Variants in TSPAN5 observed in about 807,000 individuals in gnomAD.
The protein encoded by TSPAN5 is tetraspanin-5.
Under a neutral mutation model 37.1 loss-of-function variants are expected in TSPAN5, and 10 were observed. The ratio of observed to expected loss-of-function variants is 0.27; its 90% confidence interval spans 0.17 to 0.46. The LOEUF (loss-of-function observed/expected upper bound fraction) is 0.46, where lower values mean the gene tolerates loss of function less well. Ranked by LOEUF, TSPAN5 falls within the 20% of genes least tolerant of loss-of-function variation. TSPAN5 has a pLI of 1.00. For missense variants in TSPAN5, 195 were observed against 326.6 expected (o/e 0.60, Z 3.11); for synonymous variants, 110 against 118.9 (o/e 0.93, Z 0.48).
chr4:98,476,359 C>A, intron 6 of TSPAN5, 54 bp from the exon 7 acceptor site: 1 of 1,613,576 alleles, frequency 6.2e-7, no homozygotes, highest in East Asian at 2.2e-5. Context: ...CAGGCACAGG[C>A]CAAAGCTCCT....
rs375345283 is a variant in TSPAN5 at position 98,631,724 on chromosome 4, C to G, written c.81+26422G>C. Among the ~76,000 whole-genome samples, 19 of 152,272 alleles carry G rather than the reference C, an allele frequency of 1.2e-4. No individual in the cohort carries two copies. In the South Asian group the frequency reaches 3.9e-3, roughly 32 times the overall value. Reference sequence around the variant, plus strand: ...TGGTGTCATAAAAACCCCTTTTCCCCTGAAGGGACCCAGCAATTTGAAAGT... The same window carrying G: ...TGGTGTCATAAAAACCCCTTTTCCCGTGAAGGGACCCAGCAATTTGAAAGT... On this transcript the variant is annotated intron_variant, in intron 1 of 7. Coordinates refer to ENST00000305798, the MANE Select transcript of TSPAN5 (RefSeq NM_005723.4).
chr4:98,606,796 G>A (rs536815647), intron 1 of TSPAN5, among the ~76,000 whole-genome samples: 1 of 152,268 alleles, frequency 6.6e-6, no homozygotes, highest in East Asian at 1.9e-4. Flanking sequence ...GTAAAGAAAC[G>A]TCATTTGGTT....
intron 1 of TSPAN5, among the ~76,000 whole-genome samples, chr4:98,528,414 A>ATTT (rs10680446): frequency 0.16 from 22,401 of 143,526 alleles, 1,865 homozygotes; most frequent in African/African-American, 0.2. Flanking sequence ...GTAACAGATG[A>ATTT]TTTTTTTTTT....
rs141807944 is a variant in TSPAN5, at chr4:98,511,238, G to A, written c.82-3510C>T. 2.7e-3 allele frequency among the ~76,000 whole-genome samples: 408 copies of A among 152,224 alleles called. 2 individuals carry two copies. Among genetic ancestry groups the A allele is most frequent in the African/African-American group, 9.5e-3 (395 of 41,546 alleles). On this transcript the variant is annotated intron_variant, in intron 1 of 7. Coordinates refer to ENST00000305798, the MANE Select transcript of TSPAN5 (RefSeq NM_005723.4). ...TAAAATAAATAACAATAATTTTGCC[G>A]GCATTTGTTGAATGCTAAGTATGGC... is the stretch of plus-strand genomic sequence containing the variant.
Position 98,658,276 on chromosome 4 carries a change from C to G in TSPAN5, c.-50G>C. 6.7e-7 allele frequency: 1 copy of G among 1,483,526 alleles called. No homozygotes were observed. The highest frequency in any genetic ancestry group is 9.4e-7 in the Non-Finnish European group (1 of 1,061,234). The allele number at this position is 1,483,526 out of a possible 1,614,324, so 91.9% of individuals were successfully genotyped here. A position where few individuals can be genotyped will look rare whatever the true frequency, so the allele number is the denominator to read the frequency against. ...CCCCGGCAGCCCGAGTTTGGAGCTCCGAAGCACCGTTGCTCGGAGCAGCCC... is the reference window on the plus strand; with the variant it reads ...CCCCGGCAGCCCGAGTTTGGAGCTCGGAAGCACCGTTGCTCGGAGCAGCCC... On this transcript the variant is annotated 5_prime_UTR_variant, in exon 1 of 8. Transcript: ENST00000305798.
chr4:98,475,552 T>A (rs991461807), intron 7 of TSPAN5, among the ~76,000 whole-genome samples: 2 of 152,244 alleles, frequency 1.3e-5, no homozygotes, highest in African/African-American at 4.8e-5. Flanking sequence ...TTGACTCAGT[T>A]GCCACAATGC....
intron 1 of TSPAN5, among the ~76,000 whole-genome samples, chr4:98,589,637 C>T (rs187217782): frequency 3.4e-4 from 52 of 152,304 alleles, no homozygotes; most frequent in African/African-American, 9.9e-4. Context: ...GGAACTGGCA[C>T]GCCAGCTACG....
intron 1 of TSPAN5, among the ~76,000 whole-genome samples, chr4:98,629,390 T>C (rs1189820698): frequency 6.6e-6 from 1 of 152,218 alleles, no homozygotes; most frequent in Non-Finnish European, 1.5e-5. Context: ...TTAAATGAGC[T>C]GATACATACA....
chr4:98,562,409 T>C (rs1335731724), intron 1 of TSPAN5, among the ~76,000 whole-genome samples: 1 of 152,138 alleles, frequency 6.6e-6, no homozygotes, highest in Non-Finnish European at 1.5e-5. Context: ...ACACCTGTAA[T>C]CCCAGCACTT....
intron 1 of TSPAN5, among the ~76,000 whole-genome samples, chr4:98,518,419 G>C (rs1753783497): frequency 6.6e-6 from 1 of 152,156 alleles, no homozygotes; most frequent in African/African-American, 2.4e-5. Context: ...GAGTGGGTGG[G>C]AGATACATAA....
intron 1 of TSPAN5, among the ~76,000 whole-genome samples, chr4:98,544,541 C>T (rs1281062952): frequency 2.6e-5 from 4 of 152,152 alleles, no homozygotes; most frequent in African/African-American, 9.7e-5. Context: ...AGTTCTGACC[C>T]CTGGGCTGGC....
At chr4:98,519,354 C>T (rs895747538) in intron 1 of TSPAN5, among the ~76,000 whole-genome samples, 5 of 151,934 alleles carry the variant, frequency 3.3e-5, no homozygotes, top group African/African-American at 1.2e-4. Context: ...AAAAGATTAG[C>T]CGGGCATGGT....
chr4:98,547,074 A>C (rs917616002), intron 1 of TSPAN5, among the ~76,000 whole-genome samples: 2 of 152,148 alleles, frequency 1.3e-5, no homozygotes, highest in South Asian at 4.1e-4. Flanking sequence ...ATTGGCAAGC[A>C]TAACAGTAGC....
intron 1 of TSPAN5, among the ~76,000 whole-genome samples, chr4:98,606,089 T>C (rs1029015071): frequency 2.6e-5 from 4 of 152,228 alleles, no homozygotes; most frequent in Admixed American, 2.6e-4. Flanking sequence ...CAAGACCATC[T>C]AAAATTATGC....
chr4:98,588,377 G>C (rs1049432529), intron 1 of TSPAN5, among the ~76,000 whole-genome samples: 2 of 150,910 alleles, frequency 1.3e-5, no homozygotes, highest in Non-Finnish European at 2.9e-5. Context: ...ACAGTGCTGG[G>C]TGTTAACTTC....
At chr4:98,481,018 C>T (rs1316774656) in intron 4 of TSPAN5, among the ~76,000 whole-genome samples, 2 of 152,012 alleles carry the variant, frequency 1.3e-5, no homozygotes, top group Non-Finnish European at 2.9e-5. Flanking sequence ...AGAAGGCTAC[C>T]GTTCACTGGG....
Position 98,506,294 on chromosome 4 carries a change from C to T in TSPAN5, c.132+1384G>A, listed in dbSNP as rs1327263376. On this transcript the variant is annotated intron_variant, in intron 2 of 7. Coordinates refer to ENST00000305798, the MANE Select transcript of TSPAN5 (RefSeq NM_005723.4). ...TAACCATAATCCAAGACAAGATCAA[C>T]CGATATTCAATGTAAAAGTTTCTAG... Among the ~76,000 whole-genome samples, 3 of 152,136 alleles carry T rather than the reference C, an allele frequency of 2.0e-5. 1 individual carries two copies. Among genetic ancestry groups the T allele is most frequent in the African/African-American group, 7.2e-5 (3 of 41,424 alleles).
chr4:98,612,924 G>A (rs1473892891), intron 1 of TSPAN5, among the ~76,000 whole-genome samples: 2 of 152,152 alleles, frequency 1.3e-5, no homozygotes, highest in Non-Finnish European at 2.9e-5. Flanking sequence ...CTTTCTGCCA[G>A]TCTCTTACCC....
chr4:98,520,838 C>T (rs942100321), intron 1 of TSPAN5, among the ~76,000 whole-genome samples: 2 of 150,984 alleles, frequency 1.3e-5, no homozygotes, highest in African/African-American at 4.9e-5. Flanking sequence ...CTTTAGAAGG[C>T]AGCACAGATT....
Sources: gnomAD v4.1 joint callset for allele counts (sites outside exome capture counted in the v4.1 genomes callset) on GRCh38, gnomAD v4.1.1 for gene constraint, MANE v1.5 for transcripts, NCBI Gene and HGNC (gene_info 2026-07-23, HGNC 2026-07-21) for gene names.